The following SLC27A1 variants were observed in gnomAD, a reference collection of about 807,000 sequenced individuals.
The protein encoded by SLC27A1 is long-chain fatty acid transport protein 1.
Under a neutral mutation model 62.2 loss-of-function variants are expected in SLC27A1, and 61 were observed. That is an observed-to-expected ratio of 0.98 (90% CI 0.80 to 1.21). The LOEUF (loss-of-function observed/expected upper bound fraction) is 1.21, where lower values mean the gene tolerates loss of function less well. Among genes scored for constraint, SLC27A1 ranks in the 50% most tolerant of loss-of-function variants. The probability of loss-of-function intolerance (pLI) is 0.00; values close to 1 mark genes in which losing one functional copy is unlikely to be tolerated. For missense variants in SLC27A1, 903 were observed against 932.1 expected, an observed-to-expected ratio of 0.97 and a Z score of 0.41; for synonymous variants, 435 against 408.6, an observed-to-expected ratio of 1.06 and a Z score of -0.78.
chr19:17,499,403 T>G (rs1284216113), intron 7 of SLC27A1: 1 of 152,260 alleles, frequency 6.6e-6, no homozygotes, highest in Non-Finnish European at 1.5e-5. Context: ...TACAAACTGA[T>G]GACTAATGAT....
chr19:17,490,373 C>G (rs2075282635), intron 6 of SLC27A1, among the ~76,000 whole-genome samples: 1 of 152,014 alleles, frequency 6.6e-6, no homozygotes, highest in African/African-American at 2.4e-5. Flanking sequence ...AGGCTGGTCT[C>G]AAACTCCTGG....
In SLC27A1 at chr19:17,489,247, G is replaced by T. The variant is rs1286903271; in HGVS notation, c.996+130G>T. ...CAAAGCCCCACCTCCTCCTGGTCAG[G>T]TCCCGTCCTCTCCCAGCCAGGCCCC... On this transcript the variant is annotated intron_variant, in intron 6 of 11. Transcript: ENST00000252595. 1.1e-5 allele frequency: 8 copies of T among 728,396 alleles called. No individual in the cohort carries two copies. The African/African-American group carries it at 1.4e-4, about 13-fold the overall frequency. 45.1% of individuals were successfully genotyped at this position (728,396 alleles called of 1,614,324 possible). A position where few individuals can be genotyped will look rare whatever the true frequency, so the allele number is the denominator to read the frequency against.
At chr19:17,482,257 G>A (rs928994893) in intron 1 of SLC27A1, among the ~76,000 whole-genome samples, 3 of 152,154 alleles carry the variant, frequency 2.0e-5, no homozygotes, top group Non-Finnish European at 4.4e-5. Flanking sequence ...AGTGGCTAAC[G>A]CCTGTAATCC....
In SLC27A1 at chr19:17,500,651, C is replaced by T. The variant is rs377115333; in HGVS notation, c.1471+19C>T. 14 of 1,613,830 alleles carry T rather than the reference C, an allele frequency of 8.7e-6. No individual in the cohort carries two copies. Among genetic ancestry groups the T allele is most frequent in the Non-Finnish European group, 1.1e-5 (13 of 1,179,980 alleles). On this transcript the variant is annotated intron_variant, in intron 9 of 11. Transcript: ENST00000252595. Reference sequence around the variant, plus strand: ...CTCTCAGGTGCGCAGCCTGCTAGGCCCCGGTGACTGGCTGTGCGGATGGGG... The same window carrying T: ...CTCTCAGGTGCGCAGCCTGCTAGGCTCCGGTGACTGGCTGTGCGGATGGGG...
rs946964872 is a variant in SLC27A1 at position 17,487,154 on chromosome 19, C to T, written c.563-20C>T. 8 of 1,613,882 alleles carry T rather than the reference C, an allele frequency of 5.0e-6. No homozygotes were observed. The highest frequency in any genetic ancestry group is 1.7e-6 in the Non-Finnish European group (2 of 1,179,936). ...GGGCCTGTCCGGCGGTGACCATGACCCATGTGTTGGGGACCACAGCGGTGG... is the reference window on the plus strand; with the variant it reads ...GGGCCTGTCCGGCGGTGACCATGACTCATGTGTTGGGGACCACAGCGGTGG... On this transcript the variant is annotated intron_variant, in intron 2 of 11. Transcript: ENST00000252595.
chr19:17,500,212 CAA>C lies in SLC27A1; in HGVS notation c.1207-64_1207-63del, dbSNP rs1168112636. 19 of 1,576,536 alleles carry C rather than the reference CAA, an allele frequency of 1.2e-5. No homozygotes were observed. The Admixed American group carries it at 2.1e-4, about 18-fold the overall frequency. The stretch of plus-strand genomic sequence containing the variant: ...GGTCCAAGCCCCAGGGCAAGGCAGG[CAA>C]AGTGTTACTGAGAAGGACCCCGCAT... On this transcript the variant is annotated intron_variant, in intron 7 of 11. Coordinates refer to ENST00000252595, the MANE Select transcript of SLC27A1 (RefSeq NM_198580.3).
intron 6 of SLC27A1, chr19:17,489,849 G>A (rs2075277891): frequency 6.6e-6 from 1 of 152,498 alleles, no homozygotes; most frequent in Admixed American, 6.5e-5. Flanking sequence ...AATACAGGCG[G>A]GAGGTACAGG....
In SLC27A1 at chr19:17,486,317, C is replaced by T. The variant is rs1031584005; in HGVS notation, c.168-246C>T. ...CCCAGCTCCCCCAGGGCCACCAAGCCAGCTGGGGTATGGGGGAGGACAGGG... is the reference window on the plus strand; with the variant it reads ...CCCAGCTCCCCCAGGGCCACCAAGCTAGCTGGGGTATGGGGGAGGACAGGG... On this transcript the variant is annotated intron_variant, in intron 1 of 11. Coordinates refer to ENST00000252595, the MANE Select transcript of SLC27A1 (RefSeq NM_198580.3). This position sits in a 1 kb window ranked among gnomAD's most constrained non-coding sequence, Gnocchi z 6.6. Among the ~76,000 whole-genome samples, 4 of 152,218 alleles carry T rather than the reference C, an allele frequency of 2.6e-5. No homozygotes were observed. Among genetic ancestry groups the T allele is most frequent in the African/African-American group, 9.6e-5 (4 of 41,462 alleles).
chr19:17,475,820 G>A, intron 1 of SLC27A1, among the ~76,000 whole-genome samples: 1 of 152,162 alleles, frequency 6.6e-6, no homozygotes, highest in East Asian at 1.9e-4. Context: ...GGAGTCCTGG[G>A]CCCAGAGCTG....
Position 17,504,803 on chromosome 19 carries a change from G to A in SLC27A1, c.*191G>A. The A allele has an allele frequency of 1.4e-6, 1 of 739,892 alleles. No homozygotes were observed. The highest frequency in any genetic ancestry group is 2.4e-6 in the Non-Finnish European group (1 of 420,104). 45.8% of individuals were successfully genotyped at this position (739,892 alleles called of 1,614,324 possible). A position where few individuals can be genotyped will look rare whatever the true frequency, so the allele number is the denominator to read the frequency against. ...CTCTCTGCTGCCTTGGTGCCCCTGT[G>A]TCTGCCTCCTCTCCCTGCTTTTCAG... On this transcript the variant is annotated 3_prime_UTR_variant, in exon 12 of 12. Coordinates refer to ENST00000252595, the MANE Select transcript of SLC27A1 (RefSeq NM_198580.3).
chr19:17,504,884 TTTTC>T lies in SLC27A1; in HGVS notation c.*288_*291del, dbSNP rs552185453. 5.0e-4 allele frequency: 317 copies of T among 637,164 alleles called. No homozygotes were observed. The highest frequency in any genetic ancestry group is 1.5e-3 in the Middle Eastern group (6 of 4,044). The allele number at this position is 637,164 out of a possible 1,614,324, so 39.5% of individuals were successfully genotyped here. A position where few individuals can be genotyped will look rare whatever the true frequency, so the allele number is the denominator to read the frequency against. On this transcript the variant is annotated 3_prime_UTR_variant, in exon 12 of 12. Coordinates refer to ENST00000252595, the MANE Select transcript of SLC27A1 (RefSeq NM_198580.3). ...TGGCCTTAACTCTTCCCTCTTTTTC[TTTTC>T]TTTCTTTCTTTCTTTTTTTTTTAAG... is the stretch of plus-strand genomic sequence containing the variant.
In SLC27A1 at chr19:17,470,664, C is replaced by T; in HGVS notation, c.124C>T (p.Arg42Cys). Residue 42 changes from arginine (R) to cysteine (C), a missense_variant, in exon 1 of 12, where the codon CGC becomes TGC. Arg to Cys is a radical substitution (Grantham distance 180). Coordinates refer to ENST00000252595, the MANE Select transcript of SLC27A1 (RefSeq NM_198580.3). ...LGVYVGSGGW[R>C]FLRIVCKTAR... ...CGTGTACGTGGGCAGCGGCGGCTGG[C>T]GCTTCCTGCGCATCGTCTGCAAGAC... The T allele has an allele frequency of 1.3e-6, 2 of 1,575,764 alleles. No individual in the cohort carries two copies. The highest frequency in any genetic ancestry group is 1.8e-5 in the Admixed American group (1 of 55,586).
chr19:17,500,216 G>A, intron 7 of SLC27A1, 62 bp from the exon 8 acceptor site: 8 of 1,583,392 alleles, frequency 5.1e-6, no homozygotes, highest in Non-Finnish European at 6.9e-6. Context: ...GGCAGGCAAA[G>A]TGTTACTGAG....
chr19:17,494,490 G>T (rs1353595090), intron 6 of SLC27A1, among the ~76,000 whole-genome samples: 2 of 151,394 alleles, frequency 1.3e-5, no homozygotes, highest in Non-Finnish European at 2.9e-5. Context: ...ACCACGCCTG[G>T]CTAATTTTGT....
intron 7 of SLC27A1, chr19:17,497,994 A>G (rs760181489): frequency 2.9e-5 from 5 of 170,140 alleles, no homozygotes; most frequent in Non-Finnish European, 5.0e-5. Flanking sequence ...AATCATCTCC[A>G]TTCTCCGCTT....
Position 17,500,873 on chromosome 19 carries a change from C to G in SLC27A1, c.1633C>G (p.Pro545Ala). ...CGTGGCCGTCTATGGGGTGGCTGTT[C>G]CAGGCAAGCTGGGGTTGCAGGGGGT... is the stretch of plus-strand genomic sequence containing the variant. ...TDVAVYGVAVPGVEGKAGMAA... is the reference protein window; with the variant it reads ...TDVAVYGVAVAGVEGKAGMAA... Residue 545 changes from proline (P) to alanine (A), a missense_variant, in exon 10 of 12, where the codon CCA becomes GCA. Physicochemically the swap from Pro to Ala is conservative, Grantham distance 27. Coordinates refer to ENST00000252595, the MANE Select transcript of SLC27A1 (RefSeq NM_198580.3). 6.2e-7 allele frequency: 1 copy of G among 1,605,600 alleles called. No individual in the cohort carries two copies. Among genetic ancestry groups the G allele is most frequent in the Non-Finnish European group, 8.5e-7 (1 of 1,177,218 alleles).
chr19:17,473,819 G>T (rs2075098824), intron 1 of SLC27A1, among the ~76,000 whole-genome samples: 2 of 152,138 alleles, frequency 1.3e-5, no homozygotes, highest in Non-Finnish European at 2.9e-5. Context: ...CCAAGATCGT[G>T]CCATTACACT....
chr19:17,488,067 C>A (rs375528285), intron 4 of SLC27A1, among the ~76,000 whole-genome samples: 3 of 152,176 alleles, frequency 2.0e-5, no homozygotes, highest in East Asian at 3.9e-4. Flanking sequence ...CAGAATAAAA[C>A]CCTCTCTCGG....
chr19:17,477,240 C>CTTTTTTTTTTTTTTTTTTTTTTTTTTTT lies in SLC27A1; in HGVS notation c.167+6557_167+6558insTTTTTTTTTTTTTTTTTTTTTTTTTTTT, dbSNP rs1221324202. On this transcript the variant is annotated intron_variant, in intron 1 of 11. Coordinates refer to ENST00000252595, the MANE Select transcript of SLC27A1 (RefSeq NM_198580.3). Reference sequence around the variant, plus strand: ...TTATTGGTTGAATGGATGAGCAGCGCTTTTTTTTTTTTTTTTTTTTTTTTG... The same window carrying CTTTTTTTTTTTTTTTTTTTTTTTTTTTT: ...TTATTGGTTGAATGGATGAGCAGCGCTTTTTTTTTTTTTTTTTTTTTTTTTTTTTTTTTTTTTTTTTTTTTTTTTTTTG... 2.5e-4 allele frequency among the ~76,000 whole-genome samples: 11 copies of CTTTTTTTTTTTTTTTTTTTTTTTTTTTT among 43,816 alleles called. 4 individuals carry two copies. The highest frequency in any genetic ancestry group is 3.6e-4 in the Non-Finnish European group (9 of 24,866). 28.7% of individuals were successfully genotyped at this position (43,816 alleles called of 152,430 possible). A position where few individuals can be genotyped will look rare whatever the true frequency, so the allele number is the denominator to read the frequency against.
Sources: gnomAD v4.1 joint callset for allele counts (sites outside exome capture counted in the v4.1 genomes callset) on GRCh38, gnomAD v4.1.1 for gene constraint, Gnocchi (gnomAD v3.1) non-coding constraint, MANE v1.5 for transcripts, NCBI Gene and HGNC (gene_info 2026-07-23, HGNC 2026-07-21) for gene names.